Variants in TULP4 observed in about 807,000 individuals in gnomAD.
The protein encoded by TULP4 is tubby-related protein 4.
TULP4 carries 16 observed loss-of-function variants against 129.0 expected under a neutral mutation model. That is an observed-to-expected ratio of 0.12 (90% CI 0.08 to 0.19). TULP4 has a LOEUF of 0.19. Among genes scored for constraint, TULP4 ranks in the 10% least tolerant of loss-of-function variants. The probability of loss-of-function intolerance (pLI) is 1.00; values close to 1 mark genes in which losing one functional copy is unlikely to be tolerated. For synonymous variants in TULP4, 998 were observed against 854.0 expected (o/e 1.17, Z -2.94); for missense variants, 1,842 against 2,059.1 (o/e 0.89, Z 2.04).
intron 1 of TULP4, among the ~76,000 whole-genome samples, chr6:158,397,066 A>G (rs1382446454): frequency 6.6e-6 from 1 of 152,342 alleles, no homozygotes; most frequent in East Asian, 1.9e-4. Flanking sequence ...TTAGGCAGAA[A>G]CAGACAACCA....
In TULP4 at chr6:158,503,901, T is replaced by C; in HGVS notation, c.4238T>C (p.Phe1413Ser). The C allele has an allele frequency of 6.2e-7, 1 of 1,614,054 alleles. No individual in the cohort carries two copies. The highest frequency in any genetic ancestry group is 8.5e-7 in the Non-Finnish European group (1 of 1,180,034). The change falls in exon 13 of 14, where the codon TTC becomes TCC. Residue 1413 changes from phenylalanine to serine, a missense_variant. Coordinates refer to ENST00000367097, the MANE Select transcript of TULP4 (RefSeq NM_020245.5). The surrounding 1 kb of genome is among the most constrained non-coding windows in gnomAD (Gnocchi z 4.3). Reference sequence around the variant, plus strand: ...AGCTCCGAGAGCGAGCCTGAGCTGTTCATCAGCGGGGATGAGCTCATGAAC... The same window carrying C: ...AGCTCCGAGAGCGAGCCTGAGCTGTCCATCAGCGGGGATGAGCTCATGAAC... ...QDSSESEPEL[F>S]ISGDELMNQS...
intron 1 of TULP4, among the ~76,000 whole-genome samples, chr6:158,253,060 CA>C (rs1778173989): frequency 6.6e-6 from 1 of 152,198 alleles, no homozygotes; most frequent in African/African-American, 2.4e-5. Context: ...GAAACTTGGG[CA>C]TAGAAATCCC....
At chr6:158,498,851 C>T in intron 12 of TULP4, 39 bp downstream of exon 12, 1 of 1,609,602 alleles carries the variant, frequency 6.2e-7, no homozygotes, top group Non-Finnish European at 8.5e-7. Context: ...CACGGTCCCT[C>T]TGTCAGTAGA....
At chr6:158,247,699 T>G (rs1778053206) in intron 1 of TULP4, among the ~76,000 whole-genome samples, 1 of 152,262 alleles carries the variant, frequency 6.6e-6, no homozygotes, top group Admixed American at 6.5e-5. Flanking sequence ...CCCCTGCAAC[T>G]GTGCCTTTCC....
intron 6 of TULP4, among the ~76,000 whole-genome samples, chr6:158,473,261 T>G (rs1779731849): frequency 6.6e-6 from 1 of 152,234 alleles, no homozygotes; most frequent in Non-Finnish European, 1.5e-5. Flanking sequence ...CTCTGCCTGT[T>G]CTGCTGAAGT....
At chr6:158,244,873 A>G (rs1259434107) in intron 1 of TULP4, among the ~76,000 whole-genome samples, 2 of 152,102 alleles carry the variant, frequency 1.3e-5, no homozygotes, top group African/African-American at 2.4e-5. Flanking sequence ...CTAAAAACAT[A>G]AAAGAAACAA....
At chr6:158,403,512 G>T (rs1012315551) in intron 1 of TULP4, among the ~76,000 whole-genome samples, 1 of 152,092 alleles carries the variant, frequency 6.6e-6, no homozygotes, top group African/African-American at 2.4e-5. Flanking sequence ...GCTAATTTTT[G>T]TATTTTTAGT....
At chr6:158,467,050 C>T (rs139865237) in intron 6 of TULP4, among the ~76,000 whole-genome samples, 2 of 152,302 alleles carry the variant, frequency 1.3e-5, no homozygotes, top group African/African-American at 4.8e-5. Flanking sequence ...GCACATTCAA[C>T]ATGCCCAAAT....
At chr6:158,418,376 G>A (rs1778262005) in intron 2 of TULP4, among the ~76,000 whole-genome samples, 1 of 150,460 alleles carries the variant, frequency 6.6e-6, no homozygotes, top group East Asian at 1.9e-4. Flanking sequence ...CCAAAGTGCT[G>A]GAATTGCAGG....
chr6:158,437,173 C>G (rs1778771347), intron 3 of TULP4, among the ~76,000 whole-genome samples: 1 of 152,162 alleles, frequency 6.6e-6, no homozygotes. Flanking sequence ...CTATTTGGAG[C>G]AGAGTGGAAT....
chr6:158,308,397 A>G (rs1366321040), upstream of TULP4, among the ~76,000 whole-genome samples: 2 of 151,914 alleles, frequency 1.3e-5, no homozygotes, highest in Admixed American at 6.5e-5. Flanking sequence ...TCCCATGTCT[A>G]CTTCTTTCTA....
At chr6:158,279,165 A>G (rs1177752899), upstream of TULP4, among the ~76,000 whole-genome samples, 2 of 151,612 alleles carry the variant, frequency 1.3e-5, no homozygotes, top group Non-Finnish European at 2.9e-5. Context: ...GATGGTCTCG[A>G]TCTCCTGACC....
intron 1 of TULP4, among the ~76,000 whole-genome samples, chr6:158,336,463 C>G (rs887016478): frequency 6.6e-6 from 1 of 151,982 alleles, no homozygotes; most frequent in Non-Finnish European, 1.5e-5. Flanking sequence ...TCTCTTATTG[C>G]GCTGGATTTT....
upstream of TULP4, among the ~76,000 whole-genome samples, chr6:158,308,611 G>A (rs1160081309): frequency 6.6e-6 from 1 of 151,330 alleles, no homozygotes; most frequent in Non-Finnish European, 1.5e-5. Flanking sequence ...CCCGGACGGG[G>A]CGGCTGGTCG....
In TULP4 at chr6:158,502,505, G is replaced by A. The variant is rs201183348; in HGVS notation, c.2842G>A (p.Val948Ile). ...CSSATLNRLT[V>I]PRYSIPTGDP... ...CAGTGCCACCCTGAACCGCCTGACC[G>A]TCCCTCGCTACTCCATCCCCACCGG... Residue 948 changes from valine to isoleucine, a missense_variant, in exon 13 of 14, where the codon GTC becomes ATC. Physicochemically the swap from Val to Ile is conservative, Grantham distance 29. Coordinates refer to ENST00000367097, the MANE Select transcript of TULP4 (RefSeq NM_020245.5). The A allele has an allele frequency of 9.3e-5, 150 of 1,612,538 alleles. No homozygotes were observed. In the East Asian group the frequency reaches 2.1e-3, roughly 22 times the overall value.
chr6:158,407,237 C>CA (rs1305699339), intron 1 of TULP4, among the ~76,000 whole-genome samples: 2 of 152,200 alleles, frequency 1.3e-5, no homozygotes, highest in Non-Finnish European at 1.5e-5. Context: ...AGACATTTCT[C>CA]AAAAAACACA....
chr6:158,295,733 A>T (rs1211530611), intron 1 of TULP4, among the ~76,000 whole-genome samples: 1 of 152,164 alleles, frequency 6.6e-6, no homozygotes, highest in East Asian at 1.9e-4. Context: ...ACTAAAAAAT[A>T]CAAAAAAATT....
intron 4 of TULP4, among the ~76,000 whole-genome samples, chr6:158,451,685 A>G (rs1779164986): frequency 6.6e-6 from 1 of 152,240 alleles, no homozygotes; most frequent in African/African-American, 2.4e-5. Flanking sequence ...ATTCAATGAA[A>G]GAGGATTTAG....
chr6:158,500,908 T>G (rs2128262457), intron 12 of TULP4, among the ~76,000 whole-genome samples: 1 of 152,176 alleles, frequency 6.6e-6, no homozygotes, highest in East Asian at 1.9e-4. Flanking sequence ...CTACTAAAAA[T>G]ACATAGCTGG....
Sources: allele counts gnomAD v4.1 joint callset (sites outside exome capture counted in the v4.1 genomes callset), GRCh38; gene constraint gnomAD v4.1.1; non-coding constraint Gnocchi (gnomAD v3.1); transcripts MANE v1.5; gene names NCBI Gene and HGNC (gene_info 2026-07-23, HGNC 2026-07-21).